The following CES5A variants were observed in gnomAD, a reference collection of about 807,000 sequenced individuals.
CES5A encodes carboxylesterase 5A, also known as carboxylesterase 5.
Under a neutral mutation model 62.9 loss-of-function variants are expected in CES5A, and 67 were observed. That is an observed-to-expected ratio of 1.07 (90% CI 0.88 to 1.31). The LOEUF is 1.31. Ranked by LOEUF, CES5A falls within the 50% of genes most tolerant of loss-of-function variation. CES5A has a pLI of 0.00. For synonymous variants in CES5A, 296 were observed against 280.8 expected (o/e 1.05, Z -0.54); for missense variants, 748 against 708.5 (o/e 1.06, Z -0.63).
intron 2 of CES5A, among the ~76,000 whole-genome samples, chr16:55,947,601 C>T (rs2034510232): frequency 6.6e-6 from 1 of 151,740 alleles, no homozygotes; most frequent in South Asian, 2.1e-4. Context: ...ATAAACATGG[C>T]GAGGGAGATG....
chr16:55,900,970 G>C (rs530139432), intron 1 of CES5A, among the ~76,000 whole-genome samples: 1 of 152,164 alleles, frequency 6.6e-6, no homozygotes, highest in Non-Finnish European at 1.5e-5. Context: ...GTGTGAGTCA[G>C]GGGGAGAGCT....
chr16:55,853,472 C>A (rs2033172105), intron 9 of CES5A, among the ~76,000 whole-genome samples: 1 of 152,196 alleles, frequency 6.6e-6, no homozygotes. Context: ...CAACAAGGTC[C>A]TCTGTGACTA....
Position 55,955,975 on chromosome 16 carries a change from T to C in CES5A, c.-90A>G, listed in dbSNP as rs549472768. On this transcript the variant is annotated 5_prime_UTR_variant, in exon 1 of 14. Transcript: ENST00000521992. ...GTCCTCTTGCACATCATGTACATGG[T>C]ACAGCTGATAAAGAAAAGTCAAATG... is the stretch of plus-strand genomic sequence containing the variant. 5.4e-5 allele frequency: 74 copies of C among 1,366,918 alleles called. No individual in the cohort carries two copies. The South Asian group carries it at 8.7e-4, about 16-fold the overall frequency. The allele number at this position is 1,366,918 out of a possible 1,614,324, so 84.7% of individuals were successfully genotyped here. A position where few individuals can be genotyped will look rare whatever the true frequency, so the allele number is the denominator to read the frequency against.
At chr16:55,877,539 G>T (rs1341407269), upstream of CES5A, among the ~76,000 whole-genome samples, 1 of 151,816 alleles carries the variant, frequency 6.6e-6, no homozygotes, top group Non-Finnish European at 1.5e-5. Flanking sequence ...AGAATGCAAA[G>T]AGAACTATAG....
At chr16:55,932,801 A>T (rs1157286588) in intron 2 of CES5A, among the ~76,000 whole-genome samples, 1 of 152,238 alleles carries the variant, frequency 6.6e-6, no homozygotes. Context: ...GAGCCAGATT[A>T]CACAGCAACT....
chr16:55,916,447 G>A (rs191643732), intron 1 of CES5A, among the ~76,000 whole-genome samples: 29 of 152,330 alleles, frequency 1.9e-4, no homozygotes, highest in Non-Finnish European at 1.0e-4. Flanking sequence ...ACTAAGCCCA[G>A]GAATGAGTGA....
intron 3 of CES5A, among the ~76,000 whole-genome samples, 200 bp downstream of exon 3, chr16:55,871,425 C>T (rs1411221576): frequency 6.6e-6 from 1 of 152,186 alleles, no homozygotes; most frequent in African/African-American, 2.4e-5. Context: ...AAAGTTAAGG[C>T]ACTGCCAATA....
intron 1 of CES5A, among the ~76,000 whole-genome samples, chr16:55,900,345 AG>A (rs1445193685): frequency 1.3e-5 from 2 of 152,232 alleles, no homozygotes. Context: ...AGCCATGCAA[AG>A]TAAGGCCAGC....
Position 55,875,229 on chromosome 16 carries a change from C to G in CES5A, c.-8G>C, listed in dbSNP as rs762391645. 2.0e-5 allele frequency: 32 copies of G among 1,612,668 alleles called. No individual in the cohort carries two copies. The highest frequency in any genetic ancestry group is 2.7e-5 in the Non-Finnish European group (32 of 1,179,326). ...CACCCAATTCCCACTCATTTGGCTGCCTGCCTGCACTCTGTGAACATTGAC... is the reference window on the plus strand; with the variant it reads ...CACCCAATTCCCACTCATTTGGCTGGCTGCCTGCACTCTGTGAACATTGAC... On this transcript the variant is annotated 5_prime_UTR_variant, in exon 1 of 13. Transcript: ENST00000290567.
At chr16:55,867,687 A>G (rs1304714391) in intron 4 of CES5A, among the ~76,000 whole-genome samples, 3 of 152,154 alleles carry the variant, frequency 2.0e-5, no homozygotes, top group Admixed American at 1.3e-4. Flanking sequence ...AGTGGTTACT[A>G]TCTCAGCCTC....
intron 10 of CES5A, 82 bp from the exon 11 acceptor site, chr16:55,849,855 G>T: frequency 6.8e-7 from 1 of 1,462,434 alleles, no homozygotes; most frequent in Admixed American, 1.9e-5. Context: ...ATCAAGTCTT[G>T]GATGTATAGA....
chr16:55,874,974 G>A (rs1457760374), intron 1 of CES5A, among the ~76,000 whole-genome samples, 175 bp downstream of exon 1: 2 of 152,236 alleles, frequency 1.3e-5, no homozygotes, highest in African/African-American at 4.8e-5. Flanking sequence ...CCACTCCCAA[G>A]AAGGAAGCTC....
rs75369881 is a variant in CES5A at position 55,873,810 on chromosome 16, C to T, written c.278+23G>A. ...GCCACTCCCAGAGTCACAAACCACC[C>T]GTGGGCCCGAACCTGGTCTTACAAA... On this transcript the variant is annotated intron_variant, in intron 2 of 12. Transcript: ENST00000290567. The T allele has an allele frequency of 0.041, 66,081 of 1,598,810 alleles. 1,538 individuals carry two copies. Among genetic ancestry groups the T allele is most frequent in the Middle Eastern group, 0.076 (457 of 6,012 alleles).
At chr16:55,862,141 C>T (rs2033364289) in intron 6 of CES5A, among the ~76,000 whole-genome samples, 1 of 152,178 alleles carries the variant, frequency 6.6e-6, no homozygotes, top group South Asian at 2.1e-4. Context: ...CTCATCCAAT[C>T]TCCTATAAGC....
intron 6 of CES5A, 107 bp downstream of exon 6, chr16:55,863,241 T>C: frequency 4.1e-6 from 3 of 729,116 alleles, no homozygotes; most frequent in East Asian, 2.5e-5. Context: ...ATGAGGTGCC[T>C]TGGGCATGGT....
intron 2 of CES5A, 151 bp from the exon 3 acceptor site, chr16:55,871,914 C>T (rs75888384): frequency 0.019 from 13,319 of 699,966 alleles, 309 homozygotes; most frequent in East Asian, 0.09. Context: ...CATGCCCAAA[C>T]CCCCATGGTT....
At position 55,864,323 on chromosome 16, in the gene CES5A, T is replaced by C. The variant is rs145125967; in HGVS notation, c.706-871A>G. ...CAGAAGCTCTCTTAACTCACCACCA[T>C]GTTACTGATTTCTGCAATTAACCTG... On this transcript the variant is annotated intron_variant, in intron 5 of 12. Coordinates refer to ENST00000290567, the MANE Select transcript of CES5A (RefSeq NM_001143685.2). Among the ~76,000 whole-genome samples, 216 of 152,332 alleles carry C rather than the reference T, an allele frequency of 1.4e-3. 1 individual carries two copies. Among genetic ancestry groups the C allele is most frequent in the African/African-American group, 4.6e-3 (192 of 41,588 alleles).
chr16:55,850,446 C>T (rs1004860967), intron 10 of CES5A, among the ~76,000 whole-genome samples: 1 of 152,208 alleles, frequency 6.6e-6, no homozygotes, highest in Non-Finnish European at 1.5e-5. Context: ...TTTGCCTAAT[C>T]TGAACATTTC....
intron 1 of CES5A, among the ~76,000 whole-genome samples, chr16:55,889,434 T>C (rs1296149529): frequency 1.3e-5 from 2 of 152,148 alleles, no homozygotes; most frequent in African/African-American, 2.4e-5. Context: ...TTAGATTCAA[T>C]TAATTTGCTA....
Sources: gnomAD v4.1 joint callset for allele counts (sites outside exome capture counted in the v4.1 genomes callset) on GRCh38, gnomAD v4.1.1 for gene constraint, MANE v1.5 for transcripts, NCBI Gene and HGNC (gene_info 2026-07-23, HGNC 2026-07-21) for gene names.